CECR2: variants seen among roughly 807,000 people sequenced by gnomAD.
CECR2 encodes the protein chromatin remodeling regulator CECR2.
CECR2 carries 30 observed loss-of-function variants against 154.5 expected under a neutral mutation model. That is an observed-to-expected ratio of 0.19 (90% CI 0.15 to 0.26). The LOEUF (loss-of-function observed/expected upper bound fraction) is 0.26, where lower values mean the gene tolerates loss of function less well. Ranked by LOEUF, CECR2 falls within the 10% of genes least tolerant of loss-of-function variation. The probability of loss-of-function intolerance (pLI) is 1.00; values close to 1 mark genes in which losing one functional copy is unlikely to be tolerated. For synonymous variants in CECR2, 725 were observed against 683.7 expected, an observed-to-expected ratio of 1.06 and a Z score of -0.94; for missense variants, 1,743 against 1,829.3, an observed-to-expected ratio of 0.95 and a Z score of 0.86.
intron 1 of CECR2, among the ~76,000 whole-genome samples, chr22:17,447,674 G>C (rs1421022391): frequency 3.3e-5 from 5 of 151,504 alleles, no homozygotes; most frequent in Admixed American, 3.3e-4. Context: ...AGAAAAGCCG[G>C]GGGTCGGGGG....
At chr22:17,361,057 G>A (rs1569031615) in intron 1 of CECR2, among the ~76,000 whole-genome samples, 1 of 152,116 alleles carries the variant, frequency 6.6e-6, no homozygotes, top group Non-Finnish European at 1.5e-5. Flanking sequence ...CAGCTACTTG[G>A]CAGGCTGAGG....
At chr22:17,509,025 T>G (rs1022449968) in intron 7 of CECR2, among the ~76,000 whole-genome samples, 18 of 151,832 alleles carry the variant, frequency 1.2e-4, no homozygotes, top group Non-Finnish European at 1.8e-4. Flanking sequence ...CCGAGGCGGG[T>G]GGATCACCTG....
intron 1 of CECR2, among the ~76,000 whole-genome samples, chr22:17,440,718 G>A (rs925197178): frequency 6.6e-5 from 10 of 152,002 alleles, no homozygotes; most frequent in South Asian, 2.1e-4. Flanking sequence ...TCAAGTCTCC[G>A]AACAGATTTA....
intron 7 of CECR2, 106 bp downstream of exon 7, chr22:17,505,122 A>G (rs2146898993): frequency 8.9e-7 from 1 of 1,117,626 alleles, no homozygotes; most frequent in African/African-American, 1.6e-5. Flanking sequence ...TCCTGGAAAT[A>G]GTGCAGTCTT....
rs556884942 is a variant in CECR2, at chr22:17,540,745, C to T, written c.1829C>T (p.Ser610Phe). Residue 610 changes from serine (S) to phenylalanine (F), a missense_variant, in exon 14 of 19, where the codon TCT (serine) becomes TTT (phenylalanine). Transcript: ENST00000262608. ...EVGTSNGRGFSHPLHCGGTPS... is the reference protein window; with the variant it reads ...EVGTSNGRGFFHPLHCGGTPS... ...GGCACTTCCAATGGCCGAGGTTTTT[C>T]TCATCCCCTGCATTGTGGTGGGACA... is the stretch of plus-strand genomic sequence containing the variant. 1.9e-6 allele frequency: 3 copies of T among 1,610,266 alleles called. No homozygotes were observed. Among genetic ancestry groups the T allele is most frequent in the East Asian group, 2.2e-5 (1 of 44,818 alleles).
intron 1 of CECR2, among the ~76,000 whole-genome samples, chr22:17,400,342 T>C (rs2053873412): frequency 6.6e-6 from 1 of 152,096 alleles, no homozygotes; most frequent in Non-Finnish European, 1.5e-5. Flanking sequence ...AGGGCAGAAC[T>C]TAGTGGCAGC....
chr22:17,531,994 C>T (rs1351936645), intron 9 of CECR2, among the ~76,000 whole-genome samples: 1 of 152,060 alleles, frequency 6.6e-6, no homozygotes, highest in Non-Finnish European at 1.5e-5. Flanking sequence ...CATAATGAGG[C>T]CCCATCTCTA....
chr22:17,526,832 A>G (rs9605316), intron 9 of CECR2, among the ~76,000 whole-genome samples: 15,031 of 142,922 alleles, frequency 0.11, 1,111 homozygotes, highest in Middle Eastern at 0.18. Flanking sequence ...AAAAAAAAAG[A>G]ATTATATCTA....
chr22:17,485,068 C>G (rs147565627), intron 2 of CECR2, among the ~76,000 whole-genome samples: 1 of 152,334 alleles, frequency 6.6e-6, no homozygotes, highest in Non-Finnish European at 1.5e-5. Flanking sequence ...CAGCATAACA[C>G]TGTCTACTCA....
intron 9 of CECR2, among the ~76,000 whole-genome samples, chr22:17,531,308 A>G (rs1398922298): frequency 6.6e-6 from 1 of 152,202 alleles, no homozygotes; most frequent in East Asian, 1.9e-4. Flanking sequence ...AGGCAGGCAA[A>G]CTCCCGCTGC....
intron 1 of CECR2, among the ~76,000 whole-genome samples, chr22:17,460,501 C>T (rs562610142): frequency 2.0e-5 from 3 of 152,320 alleles, no homozygotes; most frequent in Admixed American, 2.0e-4. Context: ...TGAGCCACCG[C>T]GCCCAGCCTC....
At position 17,524,205 on chromosome 22, in the gene CECR2, G is replaced by A. The variant is rs1186322214; in HGVS notation, c.1042G>A (p.Glu348Lys). The change falls in exon 9 of 19, where the codon GAG becomes AAG. Residue 348 changes from glutamate (E) to lysine (K), a missense_variant. Transcript: ENST00000262608. ...GATTCTTCTAGCAGTGCAGAAGAAG[G>A]AGCAGGAGCAGATGCTAAAGGAAGA... The part of the protein sequence containing the change: ...RQILLAVQKK[E>K]QEQMLKEERK... The A allele has an allele frequency of 3.1e-6, 5 of 1,609,306 alleles. No homozygotes were observed. Among genetic ancestry groups the A allele is most frequent in the Admixed American group, 1.7e-5 (1 of 59,242 alleles).
intron 1 of CECR2, among the ~76,000 whole-genome samples, chr22:17,457,476 A>AT (rs1451407113): frequency 2.0e-5 from 3 of 152,140 alleles, no homozygotes; most frequent in Non-Finnish European, 2.9e-5. Context: ...ATTTTGTAAA[A>AT]TTTTTTGAGC....
chr22:17,446,418 T>C (rs917521662), intron 1 of CECR2, among the ~76,000 whole-genome samples: 14 of 152,190 alleles, frequency 9.2e-5, no homozygotes, highest in Non-Finnish European at 2.1e-4. Context: ...GTTACAGCTC[T>C]TAAAGGTGGT....
At chr22:17,446,000 G>A (rs763852753) in intron 1 of CECR2, among the ~76,000 whole-genome samples, 6 of 152,130 alleles carry the variant, frequency 3.9e-5, no homozygotes, top group Non-Finnish European at 8.8e-5. Flanking sequence ...TCTGTTCATG[G>A]TTGGTTGAAT....
intron 1 of CECR2, among the ~76,000 whole-genome samples, chr22:17,371,777 T>C (rs780874961): frequency 1.3e-4 from 20 of 152,220 alleles, no homozygotes; most frequent in Non-Finnish European, 2.5e-4. Flanking sequence ...CTAAAAATAT[T>C]GTTGGAAAAA....
rs540517137 is a variant in CECR2 at position 17,554,022 on chromosome 22, C to T, written c.*1182C>T. The stretch of plus-strand genomic sequence containing the variant: ...TAGTTTTTATTCGTTTTAAGTGAAT[C>T]ATAGTAAAATCAGTCATGGTGATTT... On this transcript the variant is annotated 3_prime_UTR_variant, in exon 19 of 19. Transcript: ENST00000262608. 2.6e-5 allele frequency: 4 copies of T among 152,290 alleles called. No individual in the cohort carries two copies. Among genetic ancestry groups the T allele is most frequent in the African/African-American group, 9.6e-5 (4 of 41,550 alleles). The allele number at this position is 152,290 out of a possible 1,614,324, so 9.4% of individuals were successfully genotyped here.
At chr22:17,453,928 C>G (rs1466508002) in intron 1 of CECR2, among the ~76,000 whole-genome samples, 1 of 152,206 alleles carries the variant, frequency 6.6e-6, no homozygotes, top group African/African-American at 2.4e-5. Context: ...GCATTTCAAA[C>G]AGCTGGAAAT....
At chr22:17,455,738 C>T (rs1261717077) in intron 1 of CECR2, among the ~76,000 whole-genome samples, 2 of 152,186 alleles carry the variant, frequency 1.3e-5, no homozygotes, top group African/African-American at 2.4e-5. Context: ...CTCGCTTTCC[C>T]CTCGGGAAAC....
Sources: allele counts gnomAD v4.1 joint callset (sites outside exome capture counted in the v4.1 genomes callset), GRCh38; gene constraint gnomAD v4.1.1; transcripts MANE v1.5; gene names NCBI Gene and HGNC (gene_info 2026-07-23, HGNC 2026-07-21).